The following CTNNA3 variants were observed in gnomAD, a reference collection of about 807,000 sequenced individuals.
The protein encoded by CTNNA3 is catenin alpha-3.
A neutral mutation model predicts 95.7 loss-of-function variants in CTNNA3; 76 were observed. The ratio of observed to expected loss-of-function variants is 0.79; its 90% CI spans 0.66 to 0.96. The LOEUF (loss-of-function observed/expected upper bound fraction) is 0.96. Among genes scored for constraint, CTNNA3 ranks in the 40% least tolerant of loss-of-function variants. CTNNA3 has a pLI of 0.00. For missense variants in CTNNA3, 1,191 were observed against 1,089.8 expected (o/e 1.09, Z -1.31); for synonymous variants, 431 against 374.4 (o/e 1.15, Z -1.74).
intron 13 of CTNNA3, among the ~76,000 whole-genome samples, chr10:66,147,608 GTTTTTTTT>G (rs34193216): frequency 9.5e-6 from 1 of 105,766 alleles, no homozygotes; most frequent in Admixed American, 1.1e-4. Flanking sequence ...GTTGCTTTCA[GTTTTTTTT>G]TTTTTTTTTT....
In CTNNA3 at chr10:65,915,436, C is replaced by T. The variant is rs1379100650; in HGVS notation, c.*4894G>A. 6 of 152,162 alleles carry T rather than the reference C, an allele frequency of 3.9e-5. No individual in the cohort carries two copies. The highest frequency in any genetic ancestry group is 8.8e-5 in the Non-Finnish European group (6 of 68,070). The allele number at this position is 152,162 out of a possible 1,614,324, so 9.4% of individuals were successfully genotyped here. ...GCTAAATGCTTCTGCAACTACCCCT[C>T]TCAGACCCTTCCCTACCTCTGGCAC... On this transcript the variant is annotated 3_prime_UTR_variant, in exon 18 of 18. Transcript: ENST00000433211.
chr10:66,949,190 G>A (rs543315287), intron 7 of CTNNA3, among the ~76,000 whole-genome samples: 1 of 152,236 alleles, frequency 6.6e-6, no homozygotes, highest in East Asian at 1.9e-4. Context: ...TATATATTTT[G>A]CCAAATCAAT....
At chr10:67,465,065 G>A (rs1272931634) in intron 5 of CTNNA3, among the ~76,000 whole-genome samples, 1 of 147,944 alleles carries the variant, frequency 6.8e-6, no homozygotes, top group African/African-American at 2.4e-5. Flanking sequence ...CTTCTGTCAA[G>A]TGCCATGGAA....
chr10:66,797,630 A>G (rs1480789593), intron 7 of CTNNA3, among the ~76,000 whole-genome samples: 1 of 151,930 alleles, frequency 6.6e-6, no homozygotes, highest in African/African-American at 2.4e-5. Context: ...TGATACTGTC[A>G]GTAGCTGTGC....
At chr10:66,482,841 C>A (rs536698339) in intron 11 of CTNNA3, among the ~76,000 whole-genome samples, 1 of 152,034 alleles carries the variant, frequency 6.6e-6, no homozygotes, top group Non-Finnish European at 1.5e-5. Flanking sequence ...GATATTTAAA[C>A]ACAGACAAAA....
intron 5 of CTNNA3, among the ~76,000 whole-genome samples, chr10:67,294,956 T>A (rs891532323): frequency 1.3e-5 from 2 of 152,180 alleles, no homozygotes; most frequent in African/African-American, 4.8e-5. Flanking sequence ...GTTCTGTTAC[T>A]TTAGCAGTAT....
chr10:66,432,626 A>T (rs1234244161), intron 11 of CTNNA3, among the ~76,000 whole-genome samples: 2 of 149,100 alleles, frequency 1.3e-5, no homozygotes, highest in Non-Finnish European at 3.0e-5. Context: ...GCGCCACTGC[A>T]CTCCAGCCTG....
intron 7 of CTNNA3, among the ~76,000 whole-genome samples, chr10:66,945,202 G>A (rs951706729): frequency 1.3e-5 from 2 of 152,172 alleles, no homozygotes; most frequent in Non-Finnish European, 2.9e-5. Flanking sequence ...AGATTATTTA[G>A]TGTAAGTTAA....
intron 1 of CTNNA3, among the ~76,000 whole-genome samples, chr10:67,760,163 CT>C (rs1841454963): frequency 6.6e-6 from 1 of 152,144 alleles, no homozygotes; most frequent in Non-Finnish European, 1.5e-5. Flanking sequence ...GGTGGTGCCC[CT>C]TAAGTACAAT....
At chr10:67,145,708 C>A (rs532950765) in intron 7 of CTNNA3, among the ~76,000 whole-genome samples, 2 of 152,206 alleles carry the variant, frequency 1.3e-5, no homozygotes, top group South Asian at 4.1e-4. Context: ...GGATTACAGG[C>A]ATGAGCCACT....
At chr10:67,270,752 T>C (rs1436972542) in intron 5 of CTNNA3, among the ~76,000 whole-genome samples, 1 of 152,192 alleles carries the variant, frequency 6.6e-6, no homozygotes, top group African/African-American at 2.4e-5. Context: ...GAGTGGCTAA[T>C]GGCTAATTTT....
intron 10 of CTNNA3, among the ~76,000 whole-genome samples, chr10:66,589,095 T>G (rs751401114): frequency 5.3e-5 from 8 of 152,064 alleles, no homozygotes; most frequent in Non-Finnish European, 1.2e-4. Flanking sequence ...TGTATCTTGT[T>G]TTTCTTTTCC....
chr10:67,737,398 G>T (rs769307284), intron 1 of CTNNA3, among the ~76,000 whole-genome samples: 2 of 152,010 alleles, frequency 1.3e-5, no homozygotes, highest in African/African-American at 2.4e-5. Flanking sequence ...CAAAAAAATA[G>T]AAGGACTTCA....
chr10:66,639,521 G>T (rs1845446262), intron 9 of CTNNA3, among the ~76,000 whole-genome samples: 1 of 152,108 alleles, frequency 6.6e-6, no homozygotes, highest in African/African-American at 2.4e-5. Flanking sequence ...CTTCCATGAA[G>T]ATGACTAACC....
chr10:66,090,638 T>A (rs892928631), intron 14 of CTNNA3, among the ~76,000 whole-genome samples: 4 of 151,982 alleles, frequency 2.6e-5, no homozygotes, highest in African/African-American at 9.7e-5. Context: ...TTTAAAATGG[T>A]CTTAGCATCA....
chr10:65,917,050 C>T lies in CTNNA3; in HGVS notation c.*3280G>A, dbSNP rs987589106. On this transcript the variant is annotated 3_prime_UTR_variant, in exon 18 of 18. Coordinates refer to ENST00000433211, the MANE Select transcript of CTNNA3 (RefSeq NM_013266.4). ...TAAAGGTGTTAAGAATGCCAGACTG[C>T]AAGAATGGGTGTCTCTGTGTAGCTA... 5 of 152,106 alleles carry T rather than the reference C, an allele frequency of 3.3e-5. No homozygotes were observed. The highest frequency in any genetic ancestry group is 2.1e-4 in the South Asian group (1 of 4,816). The allele number at this position is 152,106 out of a possible 1,614,324, so 9.4% of individuals were successfully genotyped here.
intron 11 of CTNNA3, among the ~76,000 whole-genome samples, chr10:66,426,679 T>G (rs1033499670): frequency 6.6e-6 from 1 of 151,908 alleles, no homozygotes; most frequent in Non-Finnish European, 1.5e-5. Flanking sequence ...ACCATTAACT[T>G]CTTTCTTTAT....
At chr10:67,051,273 A>G (rs947864896) in intron 7 of CTNNA3, among the ~76,000 whole-genome samples, 1 of 152,182 alleles carries the variant, frequency 6.6e-6, no homozygotes, top group Non-Finnish European at 1.5e-5. Flanking sequence ...TTAAAATTTA[A>G]TATGAATTCT....
chr10:66,048,125 A>C (rs1341818464), intron 15 of CTNNA3, among the ~76,000 whole-genome samples: 1 of 152,186 alleles, frequency 6.6e-6, no homozygotes, highest in African/African-American at 2.4e-5. Flanking sequence ...AAAAAAAACT[A>C]TTTTAAAATT....
Sources: gnomAD v4.1 joint callset for allele counts (sites outside exome capture counted in the v4.1 genomes callset) on GRCh38, gnomAD v4.1.1 for gene constraint, MANE v1.5 for transcripts, NCBI Gene and HGNC (gene_info 2026-07-23, HGNC 2026-07-21) for gene names.